TEX11: variants seen among roughly 807,000 people sequenced by gnomAD.
The protein encoded by TEX11 is testis-expressed protein 11.
In TEX11, 7 loss-of-function variants were observed where a neutral mutation model predicts 84.4. The observed-to-expected ratio is 0.08, with a 90% confidence interval of 0.05 to 0.16. The LOEUF (loss-of-function observed/expected upper bound fraction) is 0.16. Ranked by LOEUF, TEX11 falls within the 10% of genes least tolerant of loss-of-function variation. TEX11 has a pLI of 1.00. For missense variants in TEX11, 551 were observed against 660.5 expected (o/e 0.83, Z 1.82); for synonymous variants, 264 against 222.8 (o/e 1.18, Z -1.64).
chrX:70,784,443 C>A lies in TEX11; in HGVS notation c.692+22262G>T, dbSNP rs144516546. On this transcript the variant is annotated intron_variant, in intron 9 of 29. Coordinates refer to ENST00000374333, the MANE Select transcript of TEX11 (RefSeq NM_031276.3). ...ACAAGACAAAGATGCCCTCTCTCAC[C>A]ACTCCTATTCAACATAATGTTGGAA... 8.9e-5 allele frequency among the ~76,000 whole-genome samples: 10 copies of A among 111,741 alleles called. No homozygotes were observed. The East Asian group carries it at 2.5e-3, about 28-fold the overall frequency.
chrX:70,780,389 C>T (rs141056915), intron 9 of TEX11, among the ~76,000 whole-genome samples: 150 of 112,784 alleles, frequency 1.3e-3, no homozygotes, highest in African/African-American at 4.6e-3. Context: ...CCAGCGTGAT[C>T]GACGCAGAAG....
At chrX:70,787,720 A>G (rs1339502977) in intron 9 of TEX11, among the ~76,000 whole-genome samples, 1 of 112,026 alleles carries the variant, frequency 8.9e-6, no homozygotes, top group East Asian at 2.8e-4. Flanking sequence ...CAAACAAGAA[A>G]GGAAGAAGTG....
intron 25 of TEX11, among the ~76,000 whole-genome samples, chrX:70,557,926 A>T (rs1350316763): frequency 8.9e-6 from 1 of 111,919 alleles, no homozygotes; most frequent in East Asian, 2.8e-4. Flanking sequence ...AGGTGGGCAG[A>T]TCACTTGAGG....
At position 70,747,811 on chromosome X, in the gene TEX11, T is replaced by G. The variant is rs188629991; in HGVS notation, c.693-3592A>C. Among the ~76,000 whole-genome samples the G allele has an allele frequency of 3.4e-3, 384 of 111,413 alleles. 1 individual carries two copies. Among genetic ancestry groups the G allele is most frequent in the Non-Finnish European group, 5.8e-3 (306 of 53,050 alleles). ...AGTTCTAGGGTACATGTGCACAACC[T>G]GCAGGTTTGTTACAAATGTATACAT... On this transcript the variant is annotated intron_variant, in intron 9 of 29. Coordinates refer to ENST00000374333, the MANE Select transcript of TEX11 (RefSeq NM_031276.3).
intron 9 of TEX11, among the ~76,000 whole-genome samples, chrX:70,786,995 A>G (rs993404049): frequency 9.0e-6 from 1 of 110,846 alleles, no homozygotes; most frequent in African/African-American, 3.3e-5. Flanking sequence ...TTAGCCAGGC[A>G]TGGTGGCTCA....
chrX:70,537,170 C>T (rs1274764050), intron 28 of TEX11, among the ~76,000 whole-genome samples: 2 of 111,448 alleles, frequency 1.8e-5, no homozygotes, highest in Non-Finnish European at 3.8e-5. Context: ...ATATGTGATG[C>T]CCTTGATCTT....
At position 70,624,944 on chromosome X, in the gene TEX11, T is replaced by C; in HGVS notation, c.1609-20A>G. ...TCCATTCTAAAAAGAACAAATATAA[T>C]ACGTTAAATTACATCTCAAAGTGAT... On this transcript the variant is annotated intron_variant, in intron 18 of 29. Coordinates refer to ENST00000374333, the MANE Select transcript of TEX11 (RefSeq NM_031276.3). 1 of 1,072,473 alleles carries C rather than the reference T, an allele frequency of 9.3e-7. No homozygotes were observed. The highest frequency in any genetic ancestry group is 1.8e-5 in the African/African-American group (1 of 54,944). 88.4% of individuals were successfully genotyped at this position (1,072,473 alleles called of 1,213,427 possible). A position where few individuals can be genotyped will look rare whatever the true frequency, so the allele number is the denominator to read the frequency against.
At chrX:70,552,021 T>C in intron 28 of TEX11, 105 bp downstream of exon 28, 1 of 892,103 alleles carries the variant, frequency 1.1e-6, no homozygotes, top group Non-Finnish European at 1.5e-6. Context: ...TATGAATTTA[T>C]CCTAAAACTC....
At chrX:70,568,871 A>G (rs2088539172) in intron 25 of TEX11, among the ~76,000 whole-genome samples, 1 of 110,026 alleles carries the variant, frequency 9.1e-6, no homozygotes, top group Non-Finnish European at 1.9e-5. Context: ...GGTGAATCTG[A>G]CAATTATGTG....
At chrX:70,722,577 A>G (rs2147719754) in intron 13 of TEX11, 41 bp downstream of exon 13, 2 of 1,131,858 alleles carry the variant, frequency 1.8e-6, no homozygotes, top group East Asian at 3.0e-5. Flanking sequence ...TGCCTAGCCA[A>G]AAACTGTCAG....
At chrX:70,895,622 T>C (rs1342957263) in intron 2 of TEX11, among the ~76,000 whole-genome samples, 1 of 111,927 alleles carries the variant, frequency 8.9e-6, no homozygotes, top group African/African-American at 3.2e-5. Flanking sequence ...CCTCAAATTA[T>C]ACTAATAGGC....
chrX:70,641,478 C>A (rs2089657585), intron 17 of TEX11, among the ~76,000 whole-genome samples: 1 of 110,956 alleles, frequency 9.0e-6, no homozygotes, highest in South Asian at 3.9e-4. Flanking sequence ...TTTTTCAGCA[C>A]CACACCACAC....
intron 2 of TEX11, among the ~76,000 whole-genome samples, chrX:70,887,319 T>C (rs2091714640): frequency 8.9e-6 from 1 of 112,006 alleles, no homozygotes; most frequent in Non-Finnish European, 1.9e-5. Flanking sequence ...TCTCTGGACC[T>C]AACCTGGGTC....
chrX:70,843,738 C>T (rs1278104154), intron 7 of TEX11, among the ~76,000 whole-genome samples: 1 of 111,648 alleles, frequency 9.0e-6, no homozygotes, highest in East Asian at 2.8e-4. Flanking sequence ...CCAGAATCTA[C>T]AATGAACTCA....
At chrX:70,839,158 C>A (rs989995293) in intron 7 of TEX11, among the ~76,000 whole-genome samples, 1 of 112,073 alleles carries the variant, frequency 8.9e-6, no homozygotes, top group Non-Finnish European at 1.9e-5. Flanking sequence ...TCTCCCAGCA[C>A]GCAGCTTGAG....
chrX:70,546,195 C>G (rs748478143), intron 28 of TEX11, among the ~76,000 whole-genome samples: 1 of 111,755 alleles, frequency 8.9e-6, no homozygotes, highest in Admixed American at 9.5e-5. Flanking sequence ...TAATATGCAA[C>G]AGCAAACAAA....
At chrX:70,856,285 C>A (rs2091535949) in intron 5 of TEX11, among the ~76,000 whole-genome samples, 1 of 110,987 alleles carries the variant, frequency 9.0e-6, no homozygotes, top group Non-Finnish European at 1.9e-5. Context: ...TATATATGGA[C>A]TGTTACCATT....
chrX:70,632,280 A>G (rs1315493995), intron 17 of TEX11, among the ~76,000 whole-genome samples: 1 of 111,660 alleles, frequency 9.0e-6, no homozygotes, highest in Non-Finnish European at 1.9e-5. Flanking sequence ...GAAGAAGTAG[A>G]GCAAATGGAA....
At chrX:70,559,246 T>A (rs1205024045) in intron 25 of TEX11, among the ~76,000 whole-genome samples, 9 of 112,315 alleles carry the variant, frequency 8.0e-5, no homozygotes, top group African/African-American at 1.6e-4. Flanking sequence ...TAAAAAGTAA[T>A]GAAGTACTGA....
Sources: allele counts gnomAD v4.1 joint callset (sites outside exome capture counted in the v4.1 genomes callset), GRCh38; gene constraint gnomAD v4.1.1; transcripts MANE v1.5; gene names NCBI Gene and HGNC (gene_info 2026-07-23, HGNC 2026-07-21).